Variants in PDE3A observed in about 807,000 individuals in gnomAD.
The protein encoded by PDE3A is phosphodiesterase 3A, also known as cGMP-inhibited 3',5'-cyclic phosphodiesterase 3A.
A neutral mutation model predicts 98.3 loss-of-function variants in PDE3A; 43 were observed. That is an observed-to-expected ratio of 0.44 (90% confidence interval 0.34 to 0.56). PDE3A has a LOEUF of 0.56. Among genes scored for constraint, PDE3A ranks in the 20% least tolerant of loss-of-function variants. The pLI, the probability that PDE3A is intolerant of heterozygous loss-of-function variation, is 0.01. For missense variants in PDE3A, 1,427 were observed against 1,440.7 expected (o/e 0.99, Z 0.15); for synonymous variants, 663 against 567.9 (o/e 1.17, Z -2.38).
Position 20,386,129 on chromosome 12 carries a change from AT to A in PDE3A, c.960+15886del, listed in dbSNP as rs1189679845. 6.5e-3 allele frequency among the ~76,000 whole-genome samples: 548 copies of A among 83,968 alleles called. 3 individuals carry two copies. Among genetic ancestry groups the A allele is most frequent in the Middle Eastern group, 0.027 (5 of 188 alleles). The allele number at this position is 83,968 out of a possible 152,430, so 55.1% of individuals were successfully genotyped here. On this transcript the variant is annotated intron_variant, in intron 1 of 15. Coordinates refer to ENST00000359062, the MANE Select transcript of PDE3A (RefSeq NM_000921.5). Reference sequence around the variant, plus strand: ...TATATATAAATATATATAAATATATATAAATATATATAAATATATATATAAA... The same window carrying A: ...TATATATAAATATATATAAATATATAAAATATATATAAATATATATATAAA...
intron 15 of PDE3A, among the ~76,000 whole-genome samples, chr12:20,672,860 A>C (rs574306513): frequency 2.3e-4 from 32 of 138,526 alleles, no homozygotes; most frequent in Non-Finnish European, 3.9e-4. Flanking sequence ...GGATCTAATT[A>C]AACTAAAGAG....
chr12:20,672,271 C>T (rs1268294017), intron 15 of PDE3A, among the ~76,000 whole-genome samples: 1 of 146,648 alleles, frequency 6.8e-6, no homozygotes, highest in Non-Finnish European at 1.5e-5. Context: ...GGCCATACTG[C>T]CCAAGGTAAT....
rs142569377 is a variant in PDE3A at position 20,654,111 on chromosome 12, C to T, written c.3090C>T (p.Ser1030=). The T allele has an allele frequency of 4.5e-4, 726 of 1,613,834 alleles. 9 individuals are homozygous for T. The East Asian group carries it at 0.014, about 31-fold the overall frequency. Residue 1030 remains serine, a synonymous_variant, in exon 15 of 16, where the codon AGC becomes AGT. Coordinates refer to ENST00000359062, the MANE Select transcript of PDE3A (RefSeq NM_000921.5). ...GLMPGKWVED[S]DESGDTDDPE... ...TGCCTGGAAAATGGGTGGAAGACAG[C>T]GATGAGTCAGGAGATACTGATGACC... is the stretch of plus-strand genomic sequence containing the variant.
In PDE3A at chr12:20,507,694, A is replaced by G. The variant is rs575205678; in HGVS notation, c.961-48966A>G. 5.9e-5 allele frequency among the ~76,000 whole-genome samples: 9 copies of G among 152,170 alleles called. No individual in the cohort carries two copies. The South Asian group carries it at 1.2e-3, about 21-fold the overall frequency. On this transcript the variant is annotated intron_variant, in intron 1 of 15. Transcript: ENST00000359062. ...CAACCTTCCGCTTACTCTGTCAGAA[A>G]TCCTGAAGGCATCTCTGACTCCCCT...
chr12:20,528,582 C>T (rs934366041), intron 1 of PDE3A, among the ~76,000 whole-genome samples: 1 of 152,138 alleles, frequency 6.6e-6, no homozygotes, highest in African/African-American at 2.4e-5. Context: ...CATTGTCTTC[C>T]TAGTACTTAC....
At chr12:20,452,891 G>C (rs908216550) in intron 1 of PDE3A, among the ~76,000 whole-genome samples, 3 of 152,156 alleles carry the variant, frequency 2.0e-5, no homozygotes, top group Admixed American at 2.0e-4. Flanking sequence ...TTAGGTGAAG[G>C]GGCCCCAAGT....
chr12:20,384,994 A>G (rs1183421264), intron 1 of PDE3A, among the ~76,000 whole-genome samples: 1 of 151,884 alleles, frequency 6.6e-6, no homozygotes, highest in Non-Finnish European at 1.5e-5. Flanking sequence ...GTGAACATAA[A>G]CATGCACGTA....
At chr12:20,650,672 C>A in intron 14 of PDE3A, 72 bp downstream of exon 14, 4 of 871,116 alleles carry the variant, frequency 4.6e-6, no homozygotes, top group Non-Finnish European at 5.3e-6. Flanking sequence ...AAGCTTCTAA[C>A]AGCTATGAAA....
In PDE3A at chr12:20,681,493, T is replaced by A. The variant is rs1413730312; in HGVS notation, c.*1222T>A. The A allele has an allele frequency of 1.3e-5, 2 of 152,218 alleles. No individual in the cohort carries two copies. Among genetic ancestry groups the A allele is most frequent in the African/African-American group, 4.8e-5 (2 of 41,454 alleles). 9.4% of individuals were successfully genotyped at this position (152,218 alleles called of 1,614,324 possible). On this transcript the variant is annotated 3_prime_UTR_variant, in exon 16 of 16. Coordinates refer to ENST00000359062, the MANE Select transcript of PDE3A (RefSeq NM_000921.5). Reference sequence around the variant, plus strand: ...ATATAGCAAGAGATGAAGGAGAATATTTCAACACAGGGTTTTTGTGTTGAC... The same window carrying A: ...ATATAGCAAGAGATGAAGGAGAATAATTCAACACAGGGTTTTTGTGTTGAC...
chr12:20,402,705 A>G (rs996048461), intron 1 of PDE3A, among the ~76,000 whole-genome samples: 3 of 152,208 alleles, frequency 2.0e-5, no homozygotes, highest in Non-Finnish European at 4.4e-5. Flanking sequence ...TCTTTTTGTA[A>G]AATATAAATT....
At chr12:20,616,128 G>T in intron 3 of PDE3A, 102 bp from the exon 4 acceptor site, 1 of 1,035,046 alleles carries the variant, frequency 9.7e-7, no homozygotes, top group Admixed American at 2.4e-5. Context: ...ATGTAATTTA[G>T]TCAATTCACT....
chr12:20,370,932 T>C (rs1775978058), intron 1 of PDE3A, among the ~76,000 whole-genome samples: 1 of 152,240 alleles, frequency 6.6e-6, no homozygotes, highest in African/African-American at 2.4e-5. Context: ...ATGTCTGAAC[T>C]TTGGAATTGT....
intron 1 of PDE3A, among the ~76,000 whole-genome samples, chr12:20,403,153 A>G (rs1169945598): frequency 6.6e-6 from 1 of 152,168 alleles, no homozygotes; most frequent in Non-Finnish European, 1.5e-5. Context: ...TGCTTGCTCA[A>G]GGTCTATCTT....
chr12:20,457,725 A>G (rs1237936121), intron 1 of PDE3A, among the ~76,000 whole-genome samples: 1 of 151,962 alleles, frequency 6.6e-6, no homozygotes, highest in Admixed American at 6.6e-5. Context: ...CTGAGTTATT[A>G]TATCTGTTAA....
intron 2 of PDE3A, among the ~76,000 whole-genome samples, chr12:20,584,816 T>A (rs1335455389): frequency 6.6e-6 from 1 of 152,182 alleles, no homozygotes; most frequent in Non-Finnish European, 1.5e-5. Context: ...TCATTTTTTT[T>A]ATGTCCTTGC....
chr12:20,388,498 C>T (rs1229173693), intron 1 of PDE3A, among the ~76,000 whole-genome samples: 6 of 151,950 alleles, frequency 3.9e-5, no homozygotes, highest in Non-Finnish European at 7.4e-5. Flanking sequence ...AACTCTACCA[C>T]GTCAACTGAT....
At chr12:20,663,238 C>A (rs1436319353) in intron 15 of PDE3A, among the ~76,000 whole-genome samples, 3 of 152,200 alleles carry the variant, frequency 2.0e-5, no homozygotes, top group Non-Finnish European at 4.4e-5. Context: ...AGGGGTGGAG[C>A]CCTCATGGAG....
At chr12:20,676,777 G>A (rs1309620210) in intron 15 of PDE3A, among the ~76,000 whole-genome samples, 1 of 152,144 alleles carries the variant, frequency 6.6e-6, no homozygotes, top group African/African-American at 2.4e-5. Context: ...GGGATTACAG[G>A]CGTGAGCCAC....
chr12:20,648,280 ATTATAT>A (rs1418194021), intron 12 of PDE3A, among the ~76,000 whole-genome samples: 1 of 149,944 alleles, frequency 6.7e-6, no homozygotes, highest in African/African-American at 2.4e-5. Flanking sequence ...ATAATTATAT[ATTATAT>A]TTATATTTAC....
Sources: allele counts gnomAD v4.1 joint callset (sites outside exome capture counted in the v4.1 genomes callset), GRCh38; gene constraint gnomAD v4.1.1; transcripts MANE v1.5; gene names NCBI Gene and HGNC (gene_info 2026-07-23, HGNC 2026-07-21).